The following VCL variants were observed in gnomAD, a reference collection of about 807,000 sequenced individuals.
VCL encodes the protein epididymis luminal protein 114.
A neutral mutation model predicts 125.7 loss-of-function variants in VCL; 47 were observed. The ratio of observed to expected loss-of-function variants is 0.37; its 90% CI spans 0.30 to 0.48. The LOEUF (loss-of-function observed/expected upper bound fraction) is 0.48, where lower values mean the gene tolerates loss of function less well. VCL is among the 20% of genes least tolerant of loss of function. VCL has a pLI of 0.99. For missense variants in VCL, 1,069 were observed against 1,455.5 expected (o/e 0.73, Z 4.32); for synonymous variants, 458 against 514.6 (o/e 0.89, Z 1.49).
intron 1 of VCL, among the ~76,000 whole-genome samples, chr10:74,021,461 C>T (rs1189780529): frequency 6.6e-6 from 1 of 152,026 alleles, no homozygotes; most frequent in Non-Finnish European, 1.5e-5. Context: ...CTTAAAACTT[C>T]CGAAGGCAAT....
At chr10:74,043,368 C>T (rs1380695172) in intron 2 of VCL, among the ~76,000 whole-genome samples, 2 of 148,666 alleles carry the variant, frequency 1.3e-5, no homozygotes, top group East Asian at 1.9e-4. Flanking sequence ...TTTTTTGAGA[C>T]GGAGTTTCAC....
chr10:73,998,484 G>T (rs1840159704), intron 1 of VCL, 109 bp downstream of exon 1: 1 of 1,185,418 alleles, frequency 8.4e-7, no homozygotes, highest in Non-Finnish European at 1.1e-6. Flanking sequence ...TTTCCGCGTG[G>T]GTTCCGGAGC....
chr10:74,017,708 A>G (rs1313297920), intron 1 of VCL, among the ~76,000 whole-genome samples: 1 of 144,910 alleles, frequency 6.9e-6, no homozygotes, highest in African/African-American at 2.4e-5. Context: ...GGTGCATGCC[A>G]CCATGTCTGG....
intron 1 of VCL, among the ~76,000 whole-genome samples, chr10:74,008,690 A>C (rs879300055): frequency 2.8e-4 from 43 of 152,276 alleles, no homozygotes; most frequent in Non-Finnish European, 5.6e-4. Context: ...CCTTTAGGTC[A>C]TGGTTCCGAC....
chr10:74,103,838 A>G lies in VCL; in HGVS notation c.2041A>G (p.Ile681Val). ...LTPQVVSAAR[I>V]LLRNPGNQAA... ...TTGTCAGGTGGTCTCGGCTGCTCGT[A>G]TCTTACTTAGGAACCCTGGAAATCA... is the stretch of plus-strand genomic sequence containing the variant. Residue 681 changes from isoleucine to valine, a missense_variant, in exon 15 of 22, where the codon ATC becomes GTC. Coordinates refer to ENST00000211998, the MANE Select transcript of VCL (RefSeq NM_014000.3). 6.2e-7 allele frequency: 1 copy of G among 1,614,168 alleles called. No homozygotes were observed. Among genetic ancestry groups the G allele is most frequent in the Non-Finnish European group, 8.5e-7 (1 of 1,179,994 alleles).
chr10:74,101,176 CT>C, intron 14 of VCL, 79 bp downstream of exon 14: 1 of 1,545,374 alleles, frequency 6.5e-7, no homozygotes, highest in East Asian at 2.4e-5. Context: ...TTTTTGAATA[CT>C]TACCGTAAGA....
chr10:74,062,275 G>C (rs1353469551), intron 2 of VCL, among the ~76,000 whole-genome samples: 1 of 151,654 alleles, frequency 6.6e-6, no homozygotes, highest in Admixed American at 6.6e-5. Flanking sequence ...ATGCTGCCCA[G>C]GCTGGTCTTG....
At chr10:74,008,081 G>C (rs1315253487) in intron 1 of VCL, among the ~76,000 whole-genome samples, 1 of 152,180 alleles carries the variant, frequency 6.6e-6, no homozygotes, top group African/African-American at 2.4e-5. Flanking sequence ...TGGGATTATA[G>C]GCATGAGCCA....
At chr10:74,104,716 C>T (rs781348815) in intron 15 of VCL, among the ~76,000 whole-genome samples, 5 of 152,134 alleles carry the variant, frequency 3.3e-5, no homozygotes. Context: ...ATATTATTCA[C>T]AGATAACGTG....
chr10:73,998,431 G>A (rs1159732300), intron 1 of VCL, 56 bp downstream of exon 1: 4 of 1,310,782 alleles, frequency 3.1e-6, no homozygotes, highest in East Asian at 3.2e-5. Context: ...CCGGGGCCCC[G>A]GCCCGCGTCG....
rs781510936 is a variant in VCL, at chr10:74,072,883, G to C, written c.622+31G>C. ...TCCTGCCTGTACTTTATTTTATAGG[G>C]GGGAAAAATGTTAGCATGTTCTAAA... On this transcript the variant is annotated intron_variant, in intron 5 of 21. Coordinates refer to ENST00000211998, the MANE Select transcript of VCL (RefSeq NM_014000.3). The C allele has an allele frequency of 1.9e-6, 3 of 1,613,664 alleles. No individual in the cohort carries two copies. The African/African-American group carries it at 4.0e-5, about 22-fold the overall frequency.
rs150334130 is a variant in VCL, at chr10:74,114,047, G to A, written c.2950-137G>A. The A allele has an allele frequency of 5.4e-4, 514 of 947,170 alleles. 2 individuals carry two copies. In the African/African-American group the frequency reaches 7.5e-3, roughly 14 times the overall value. The allele number at this position is 947,170 out of a possible 1,614,324, so 58.7% of individuals were successfully genotyped here. A position where few individuals can be genotyped will look rare whatever the true frequency, so the allele number is the denominator to read the frequency against. On this transcript the variant is annotated intron_variant, in intron 19 of 21. Coordinates refer to ENST00000211998, the MANE Select transcript of VCL (RefSeq NM_014000.3). The stretch of plus-strand genomic sequence containing the variant: ...GTGCTATCCGTATCACTCAAGAACG[G>A]CCCTTTTCTCCTCTTCTCACCCTTC...
At chr10:74,070,575 ACTG>A (rs769589948) in intron 2 of VCL, 92 bp from the exon 3 acceptor site, 1 of 1,568,730 alleles carries the variant, frequency 6.4e-7, no homozygotes, top group Non-Finnish European at 8.7e-7. Context: ...AGGGAAAAAA[ACTG>A]TGAATTTACA....
chr10:74,114,260 G>T lies in VCL; in HGVS notation c.3026G>T (p.Ser1009Ile), dbSNP rs763848963. 1 of 1,614,160 alleles carries T rather than the reference G, an allele frequency of 6.2e-7. No individual in the cohort carries two copies. Among genetic ancestry groups the T allele is most frequent in the Non-Finnish European group, 8.5e-7 (1 of 1,180,034 alleles). ...AEMSRLVRGGSGTKRALIQCA... is the reference protein window; with the variant it reads ...AEMSRLVRGGIGTKRALIQCA... ...ATGTCTCGGCTGGTAAGAGGGGGCA[G>T]TGGTACCAAGCGGGCACTCATTCAG... Residue 1009 changes from serine to isoleucine, a missense_variant, in exon 20 of 22, where the codon AGT becomes ATT. Around this residue, in one of 6 missense-constraint regions of VCL, gnomAD observed 91 missense variants for 203.9 expected, o/e 0.45. Coordinates refer to ENST00000211998, the MANE Select transcript of VCL (RefSeq NM_014000.3).
At chr10:74,041,797 G>A (rs1403269498) in intron 1 of VCL, among the ~76,000 whole-genome samples, 2 of 152,118 alleles carry the variant, frequency 1.3e-5, no homozygotes. Flanking sequence ...CAGCTACTTG[G>A]GAAGCTGAGG....
At chr10:74,011,086 G>A (rs891464789) in intron 1 of VCL, among the ~76,000 whole-genome samples, 43 of 143,342 alleles carry the variant, frequency 3.0e-4, no homozygotes, top group African/African-American at 1.1e-3. Flanking sequence ...CAGGAGAATC[G>A]TTTGAACCCA....
chr10:74,071,098 A>T lies in VCL; in HGVS notation c.499+15A>T. On this transcript the variant is annotated intron_variant, in intron 4 of 21. Coordinates refer to ENST00000211998, the MANE Select transcript of VCL (RefSeq NM_014000.3). This position sits in a 1 kb window ranked among gnomAD's most constrained non-coding sequence, Gnocchi z 4.1. ...TCTTGGGCCAGGTTAGTTTTATCCA[A>T]TTTCTATAACATTTTTTAAGGATTG... 6.2e-7 allele frequency: 1 copy of T among 1,610,592 alleles called. No homozygotes were observed. Among genetic ancestry groups the T allele is most frequent in the Non-Finnish European group, 8.5e-7 (1 of 1,176,944 alleles).
At chr10:74,018,984 T>C (rs370155898) in intron 1 of VCL, among the ~76,000 whole-genome samples, 1 of 152,202 alleles carries the variant, frequency 6.6e-6, no homozygotes, top group African/African-American at 2.4e-5. Flanking sequence ...TTGGGGAACA[T>C]TTCTTGCTTG....
Position 74,089,253 on chromosome 10 carries a change from G to A in VCL, c.1080G>A (p.Leu360=). ...MQKAQQVSQG[L]DVLTAKVENA... is the part of the protein sequence containing the mutation. ...AAGCTCAGCAGGTATCTCAGGGTCT[G>A]GATGTGCTCACAGCAAAAGTGGAAA... The change falls in exon 9 of 22, where the codon CTG becomes CTA. Residue 360 remains leucine, a synonymous_variant. Transcript: ENST00000211998. The A allele has an allele frequency of 6.2e-7, 1 of 1,614,098 alleles. No individual in the cohort carries two copies. Among genetic ancestry groups the A allele is most frequent in the Non-Finnish European group, 8.5e-7 (1 of 1,180,016 alleles).
Sources: gnomAD v4.1 joint callset for allele counts (sites outside exome capture counted in the v4.1 genomes callset) on GRCh38, gnomAD v4.1.1 for gene constraint, gnomAD v4.1.1 regional missense constraint, Gnocchi (gnomAD v3.1) non-coding constraint, MANE v1.5 for transcripts, NCBI Gene and HGNC (gene_info 2026-07-23, HGNC 2026-07-21) for gene names.